NSD1: variants seen among roughly 807,000 people sequenced by gnomAD.
NSD1 encodes the protein nuclear receptor binding SET domain protein 1.
Under a neutral mutation model 242.7 loss-of-function variants are expected in NSD1, and 26 were observed. The observed-to-expected ratio is 0.11, with a 90% CI of 0.08 to 0.15. The LOEUF is 0.15. Among genes scored for constraint, NSD1 ranks in the 10% least tolerant of loss-of-function variants. The pLI, the probability that NSD1 is intolerant of heterozygous loss-of-function variation, is 1.00. For synonymous variants in NSD1, 1,106 were observed against 1,178.1 expected, an observed-to-expected ratio of 0.94 and a Z score of 1.25; for missense variants, 2,495 against 3,272.8, an observed-to-expected ratio of 0.76 and a Z score of 5.80.
At chr5:177,203,271 G>T (rs1471629054) in intron 3 of NSD1, among the ~76,000 whole-genome samples, 1 of 151,968 alleles carries the variant, frequency 6.6e-6, no homozygotes, top group African/African-American at 2.4e-5. Flanking sequence ...TAATAAAATT[G>T]TAAATGTGTG....
intron 5 of NSD1, among the ~76,000 whole-genome samples, chr5:177,233,130 AG>A (rs1765183021): frequency 6.6e-6 from 1 of 152,138 alleles, no homozygotes; most frequent in Non-Finnish European, 1.5e-5. Context: ...GCTTGAGTGC[AG>A]TGGCACAATT....
chr5:177,154,762 C>T (rs1319548031), intron 2 of NSD1, among the ~76,000 whole-genome samples: 1 of 152,138 alleles, frequency 6.6e-6, no homozygotes, highest in Non-Finnish European at 1.5e-5. Flanking sequence ...ATGGTGCGAT[C>T]TCGGCTCACT....
At position 177,257,163 on chromosome 5, in the gene NSD1, T is replaced by C; in HGVS notation, c.4966+12T>C. 6.2e-7 allele frequency: 1 copy of C among 1,606,582 alleles called. No homozygotes were observed. The highest frequency in any genetic ancestry group is 8.5e-7 in the Non-Finnish European group (1 of 1,173,262). On this transcript the variant is annotated intron_variant, in intron 13 of 22. Coordinates refer to ENST00000439151, the MANE Select transcript of NSD1 (RefSeq NM_022455.5). Reference sequence around the variant, plus strand: ...TTCTGCATCTAAAGGTATGGATTTCTTATGTGGACCAGTCTAATTGTAAAA... The same window carrying C: ...TTCTGCATCTAAAGGTATGGATTTCCTATGTGGACCAGTCTAATTGTAAAA...
At chr5:177,288,966 G>C (rs779764606) in intron 21 of NSD1, 41 bp downstream of exon 21, 4 of 1,365,542 alleles carry the variant, frequency 2.9e-6, no homozygotes, top group African/African-American at 1.4e-5. Context: ...TTAGTGGTGC[G>C]GTCCTCCCTC....
In NSD1 at chr5:177,273,765, C is replaced by G; in HGVS notation, c.5603C>G (p.Pro1868Arg). The change falls in exon 17 of 23, where the codon CCA (proline) becomes CGA (arginine). Residue 1868 changes from proline (P) to arginine (R), a missense_variant. Around this residue, in one of 19 missense-constraint regions of NSD1, gnomAD observed 114 missense variants for 247.4 expected, o/e 0.46. Coordinates refer to ENST00000439151, the MANE Select transcript of NSD1 (RefSeq NM_022455.5). ...QEDRKNDKKP[P>R]PYKHIKVNRP... ...GACCGAAAGAATGACAAGAAGCCAC[C>G]ACCTTATAAACATATAAAGGTGAGG... is the stretch of plus-strand genomic sequence containing the variant. 1 of 1,612,666 alleles carries G rather than the reference C, an allele frequency of 6.2e-7. No individual in the cohort carries two copies.
In NSD1 at chr5:177,257,146, C is replaced by G. The variant is rs767300226; in HGVS notation, c.4961C>G (p.Ser1654Cys). 3.1e-6 allele frequency: 5 copies of G among 1,612,650 alleles called. No homozygotes were observed. The Admixed American group carries it at 6.7e-5, about 22-fold the overall frequency. ...GCTAATCCAGCCAATGTTTCTGCAT[C>G]TAAAGGTATGGATTTCTTATGTGGA... is the stretch of plus-strand genomic sequence containing the variant. The part of the protein sequence containing the change: ...HAANPANVSA[S>C]KGRLMRCVRC... The change falls in exon 13 of 23, where the codon TCT becomes TGT. Residue 1654 changes from serine (S) to cysteine (C), a missense_variant. By Grantham distance (112) the Ser-to-Cys change is moderately radical (BLOSUM62 -1). Coordinates refer to ENST00000439151, the MANE Select transcript of NSD1 (RefSeq NM_022455.5).
intron 17 of NSD1, among the ~76,000 whole-genome samples, chr5:177,279,587 C>A (rs1186233841): frequency 6.7e-6 from 1 of 149,094 alleles, no homozygotes; most frequent in Non-Finnish European, 1.5e-5. Context: ...GTTTATAGTT[C>A]ACCTGGCTTA....
intron 17 of NSD1, among the ~76,000 whole-genome samples, chr5:177,277,934 G>T (rs373129718): frequency 6.6e-6 from 1 of 152,174 alleles, no homozygotes; most frequent in African/African-American, 2.4e-5. Flanking sequence ...AAAATATTTC[G>T]AATCAGAAGT....
At chr5:177,163,558 C>A (rs190659820) in intron 2 of NSD1, among the ~76,000 whole-genome samples, 46 of 152,276 alleles carry the variant, frequency 3.0e-4, no homozygotes, top group African/African-American at 1.1e-3. Context: ...AGACAAAGAA[C>A]CTCTCAACCT....
intron 2 of NSD1, among the ~76,000 whole-genome samples, chr5:177,157,320 C>T (rs951372090): frequency 1.3e-5 from 2 of 151,858 alleles, no homozygotes; most frequent in African/African-American, 2.4e-5. Flanking sequence ...GAGCGGAGAT[C>T]GTGCTGTTGC....
At chr5:177,253,822 A>T (rs1461869771) in intron 12 of NSD1, among the ~76,000 whole-genome samples, 1 of 151,952 alleles carries the variant, frequency 6.6e-6, no homozygotes, top group Non-Finnish European at 1.5e-5. Flanking sequence ...TTTTGTAGAG[A>T]CAGGATTTTA....
intron 17 of NSD1, among the ~76,000 whole-genome samples, chr5:177,280,081 C>T (rs1758744920): frequency 6.6e-6 from 1 of 151,146 alleles, no homozygotes; most frequent in African/African-American, 2.4e-5. Flanking sequence ...ACGACCTAGG[C>T]TCACTGCAAG....
At chr5:177,271,748 G>T (rs1757957067) in intron 16 of NSD1, among the ~76,000 whole-genome samples, 1 of 152,202 alleles carries the variant, frequency 6.6e-6, no homozygotes, top group South Asian at 2.1e-4. Flanking sequence ...AGTTAGAGCA[G>T]AGTTTTAGAA....
chr5:177,280,699 G>A lies in NSD1; in HGVS notation c.5757G>A (p.Glu1919=), dbSNP rs528069420. 4 of 1,614,118 alleles carry A rather than the reference G, an allele frequency of 2.5e-6. No individual in the cohort carries two copies. Among genetic ancestry groups the A allele is most frequent in the Non-Finnish European group, 2.5e-6 (3 of 1,180,050 alleles). The change falls in exon 18 of 23, where the codon GAG becomes GAA. Residue 1919 remains glutamate (E), a synonymous_variant. Transcript: ENST00000439151. ...GCATCAACCGCATGCTGCTCTATGAGTGCCACCCCACAGTGTGTCCTGCCG... is the reference window on the plus strand; with the variant it reads ...GCATCAACCGCATGCTGCTCTATGAATGCCACCCCACAGTGTGTCCTGCCG... The part of the protein sequence containing the change: ...SECINRMLLY[E]CHPTVCPAGG...
chr5:177,207,193 C>A (rs1022485758), intron 4 of NSD1, among the ~76,000 whole-genome samples: 2 of 152,096 alleles, frequency 1.3e-5, no homozygotes. Flanking sequence ...GCCATCCCCC[C>A]GACCTTGGCC....
chr5:177,175,588 C>T (rs2149803011), intron 2 of NSD1, among the ~76,000 whole-genome samples: 1 of 152,032 alleles, frequency 6.6e-6, no homozygotes, highest in African/African-American at 2.4e-5. Flanking sequence ...GTGATTAGGC[C>T]ACAGCACATT....
At chr5:177,266,046 A>G in intron 14 of NSD1, 1 of 1,074,656 alleles carries the variant, frequency 9.3e-7, no homozygotes, top group Non-Finnish European at 1.5e-6. Flanking sequence ...ACGTTCTCCC[A>G]CCAGTGGATC....
At chr5:177,271,468 G>A (rs963307444) in intron 16 of NSD1, among the ~76,000 whole-genome samples, 12 of 152,160 alleles carry the variant, frequency 7.9e-5, no homozygotes, top group East Asian at 7.7e-4. Flanking sequence ...TAAAGTACTC[G>A]CCTAACATAT....
rs547903757 is a variant in NSD1, at chr5:177,143,208, T to C, written c.927+7178T>C. ...ACTTTACAGGTTGGTTGGTTTTTTT[T>C]CTTTTTTCATTTCCTCATGTACTCA... On this transcript the variant is annotated intron_variant, in intron 2 of 22. Transcript: ENST00000439151. Among the ~76,000 whole-genome samples the C allele has an allele frequency of 4.9e-4, 75 of 152,334 alleles. 1 individual carries two copies. The highest frequency in any genetic ancestry group is 9.6e-4 in the Non-Finnish European group (65 of 68,040).
Sources: allele counts gnomAD v4.1 joint callset (sites outside exome capture counted in the v4.1 genomes callset), GRCh38; gene constraint gnomAD v4.1.1; regional missense constraint gnomAD v4.1.1; transcripts MANE v1.5; gene names NCBI Gene and HGNC (gene_info 2026-07-23, HGNC 2026-07-21).